The following FUT8 variants were observed in gnomAD, a reference collection of about 807,000 sequenced individuals.
The protein encoded by FUT8 is alpha-(1,6)-fucosyltransferase.
FUT8 carries 29 observed loss-of-function variants against 71.3 expected under a neutral mutation model. The ratio of observed to expected loss-of-function variants is 0.41; its 90% CI spans 0.30 to 0.55. The LOEUF (loss-of-function observed/expected upper bound fraction) is 0.55, where lower values mean the gene tolerates loss of function less well. Ranked by LOEUF, FUT8 falls within the 20% of genes least tolerant of loss-of-function variation. FUT8 has a pLI of 0.34. For missense variants in FUT8, 544 were observed against 702.1 expected (o/e 0.77, Z 2.55); for synonymous variants, 254 against 239.3 (o/e 1.06, Z -0.57).
At chr14:65,576,616 TCTG>T (rs947236913) in intron 3 of FUT8, among the ~76,000 whole-genome samples, 10 of 148,768 alleles carry the variant, frequency 6.7e-5, no homozygotes, top group African/African-American at 2.2e-4. Context: ...GCAGCTTCGA[TCTG>T]CTGGGCTCAA....
rs1408378760 is a variant in FUT8 at position 65,742,602 on chromosome 14, G to A, written c.*192G>A. ...GTGGAATTCCTCTTTAACAAGGGCT[G>A]CAATGCCCTCATACCCATGCACAGT... On this transcript the variant is annotated 3_prime_UTR_variant, in exon 11 of 11. Coordinates refer to ENST00000673929, the MANE Select transcript of FUT8 (RefSeq NM_001371533.1). 5.1e-6 allele frequency: 3 copies of A among 587,346 alleles called. No homozygotes were observed. In the African/African-American group the frequency reaches 5.6e-5, roughly 11 times the overall value. 36.4% of individuals were successfully genotyped at this position (587,346 alleles called of 1,614,324 possible).
chr14:65,737,470 G>T (rs1438997918), intron 10 of FUT8, among the ~76,000 whole-genome samples: 1 of 152,098 alleles, frequency 6.6e-6, no homozygotes, highest in Admixed American at 6.5e-5. Flanking sequence ...AATCGCCTAT[G>T]TGCAAAGCAT....
In FUT8 at chr14:65,742,224, A is replaced by G. The variant is rs1322399353; in HGVS notation, c.1542A>G (p.Gln514=). The change falls in exon 11 of 11, where the codon CAA becomes CAG. Residue 514 remains glutamine (Q), a synonymous_variant. Transcript: ENST00000673929. ...AHNQIAIYAH[Q]PRTADEIPME... ...ATCAAATTGCCATTTATGCTCACCAACCCCGAACTGCAGATGAAATTCCCA... is the reference window on the plus strand; with the variant it reads ...ATCAAATTGCCATTTATGCTCACCAGCCCCGAACTGCAGATGAAATTCCCA... The G allele has an allele frequency of 6.2e-7, 1 of 1,612,992 alleles. No homozygotes were observed. The highest frequency in any genetic ancestry group is 1.1e-5 in the South Asian group (1 of 91,058).
At chr14:65,432,233 C>A (rs1334104166) in intron 1 of FUT8, among the ~76,000 whole-genome samples, 1 of 152,024 alleles carries the variant, frequency 6.6e-6, no homozygotes, top group African/African-American at 2.4e-5. Flanking sequence ...GTTACCTATT[C>A]TTTTGGCTTT....
At chr14:65,696,952 C>G (rs1894027154) in intron 7 of FUT8, among the ~76,000 whole-genome samples, 1 of 152,120 alleles carries the variant, frequency 6.6e-6, no homozygotes, top group Admixed American at 6.5e-5. Context: ...TCTATTCTTG[C>G]ATGTTGTCCA....
At chr14:65,559,301 T>G (rs1207910369) in intron 2 of FUT8, among the ~76,000 whole-genome samples, 2 of 152,168 alleles carry the variant, frequency 1.3e-5, no homozygotes, top group African/African-American at 2.4e-5. Context: ...AGTTTTAGTA[T>G]TCTTGATTCA....
At chr14:65,730,912 A>G (rs1271797711) in intron 9 of FUT8, among the ~76,000 whole-genome samples, 1 of 152,234 alleles carries the variant, frequency 6.6e-6, no homozygotes, top group Admixed American at 6.5e-5. Flanking sequence ...AAAGTTTCCC[A>G]GGTAAAATAT....
chr14:65,389,063 A>G, the FUT8 span, among the ~76,000 whole-genome samples: 1 of 149,192 alleles, frequency 6.7e-6, no homozygotes, highest in Admixed American at 6.7e-5. Context: ...GTGCAGTGGC[A>G]TGATCCTAGC....
intron 2 of FUT8, among the ~76,000 whole-genome samples, chr14:65,542,982 A>C (rs1032666999): frequency 6.6e-6 from 1 of 152,050 alleles, no homozygotes; most frequent in African/African-American, 2.4e-5. Context: ...GGGTTTCACC[A>C]TGTTGGTCAG....
chr14:65,567,592 T>A (rs1444963427), intron 3 of FUT8, among the ~76,000 whole-genome samples: 1 of 151,982 alleles, frequency 6.6e-6, no homozygotes, highest in Non-Finnish European at 1.5e-5. Flanking sequence ...TTGGAATGTG[T>A]ACAGCACCTG....
chr14:65,505,067 T>C lies in FUT8; in HGVS notation c.-228+49349T>C, dbSNP rs544811600. ...TGATATAGTGGCTTTCTTAAAGTTA[T>C]ATGACATTTTTTTGGGAGCAGGGCT... On this transcript the variant is annotated intron_variant, in intron 2 of 10. Coordinates refer to ENST00000673929, the MANE Select transcript of FUT8 (RefSeq NM_001371533.1). Among the ~76,000 whole-genome samples, 12 of 152,344 alleles carry C rather than the reference T, an allele frequency of 7.9e-5. No homozygotes were observed. The South Asian group carries it at 2.1e-3, about 26-fold the overall frequency.
intron 2 of FUT8, among the ~76,000 whole-genome samples, chr14:65,548,323 C>T (rs1362737175): frequency 6.6e-6 from 1 of 151,998 alleles, no homozygotes; most frequent in Non-Finnish European, 1.5e-5. Context: ...GTAAATGAAG[C>T]ACACAATATG....
chr14:65,612,337 A>G (rs1002607881), intron 3 of FUT8, among the ~76,000 whole-genome samples: 1 of 152,192 alleles, frequency 6.6e-6, no homozygotes, highest in African/African-American at 2.4e-5. Flanking sequence ...TTTTCCTGCT[A>G]TTGAGGCCAA....
chr14:65,662,143 G>A (rs1004425995), intron 6 of FUT8, among the ~76,000 whole-genome samples: 12 of 152,184 alleles, frequency 7.9e-5, no homozygotes, highest in Non-Finnish European at 4.4e-5. Flanking sequence ...GCCAGGAGTG[G>A]TGGCTCATGC....
At chr14:65,597,621 T>TA (rs5809284) in intron 3 of FUT8, among the ~76,000 whole-genome samples, 112 of 143,282 alleles carry the variant, frequency 7.8e-4, no homozygotes, top group South Asian at 5.8e-3. Context: ...AGACTCTGTC[T>TA]AAAAAAAAAA....
chr14:65,655,290 G>A (rs1481164503), intron 6 of FUT8, among the ~76,000 whole-genome samples: 9 of 151,578 alleles, frequency 5.9e-5, no homozygotes, highest in Non-Finnish European at 1.0e-4. Context: ...TGGCTAACAC[G>A]GTGAAACCCC....
chr14:65,470,034 C>T (rs867194389), intron 2 of FUT8, among the ~76,000 whole-genome samples: 4 of 152,258 alleles, frequency 2.6e-5, no homozygotes, highest in Non-Finnish European at 5.9e-5. Context: ...TGCCACTTTC[C>T]ATGGCTCCCA....
intron 6 of FUT8, among the ~76,000 whole-genome samples, chr14:65,661,691 T>C (rs922502682): frequency 1.3e-5 from 2 of 152,220 alleles, no homozygotes; most frequent in Admixed American, 1.3e-4. Flanking sequence ...TGTAATATGT[T>C]GTAATTCACA....
rs916086422 is a variant in FUT8 at position 65,601,481 on chromosome 14, G to A, written c.204-14497G>A. ...ATTAGTTTATATTTAGAAGTGGTCC[G>A]AATTATGTTAATCTTAGTAGTTTGT... On this transcript the variant is annotated intron_variant, in intron 3 of 10. Transcript: ENST00000673929. 6.6e-5 allele frequency among the ~76,000 whole-genome samples: 10 copies of A among 152,018 alleles called. No homozygotes were observed. In the East Asian group the frequency reaches 9.6e-4, roughly 15 times the overall value.
Sources: allele counts gnomAD v4.1 joint callset (sites outside exome capture counted in the v4.1 genomes callset), GRCh38; gene constraint gnomAD v4.1.1; transcripts MANE v1.5; gene names NCBI Gene and HGNC (gene_info 2026-07-23, HGNC 2026-07-21).